MND1: variants seen among roughly 807,000 people sequenced by gnomAD.
The protein encoded by MND1 is meiotic nuclear division protein 1 homolog.
A neutral mutation model predicts 35.1 loss-of-function variants in MND1; 28 were observed. The ratio of observed to expected loss-of-function variants is 0.80; its 90% CI spans 0.59 to 1.09. MND1 has a LOEUF of 1.09. Ranked by LOEUF, MND1 falls within the 50% of genes least tolerant of loss-of-function variation. MND1 has a pLI of 0.00. For missense variants in MND1, 213 were observed against 239.6 expected (o/e 0.89, Z 0.73); for synonymous variants, 69 against 70.5 (o/e 0.98, Z 0.11).
At chr4:153,397,149 A>G (rs925634429) in intron 5 of MND1, 70 bp from the exon 6 acceptor site, 1 of 1,018,206 alleles carries the variant, frequency 9.8e-7, no homozygotes, top group African/African-American at 1.6e-5. Context: ...AAATTGTTAT[A>G]AAATGTATTA....
intron 4 of MND1, chr4:153,361,398 A>G: frequency 2.2e-6 from 1 of 450,772 alleles, no homozygotes. Context: ...TTTCCTTAGT[A>G]ATCTCTCTTC....
At chr4:153,348,609 A>G (rs1773132021) in intron 1 of MND1, among the ~76,000 whole-genome samples, 1 of 152,212 alleles carries the variant, frequency 6.6e-6, no homozygotes, top group African/African-American at 2.4e-5. Flanking sequence ...CTCATCAAGA[A>G]ACACCTGATC....
intron 4 of MND1, among the ~76,000 whole-genome samples, chr4:153,375,931 A>G (rs1657696089): frequency 6.6e-6 from 1 of 152,148 alleles, no homozygotes; most frequent in South Asian, 2.1e-4. Flanking sequence ...ATTTCTGAAG[A>G]CTTTTAACAT....
intron 5 of MND1, 63 bp from the exon 6 acceptor site, chr4:153,397,156 A>T (rs555544009): frequency 1.8e-6 from 2 of 1,086,718 alleles, no homozygotes; most frequent in Non-Finnish European, 2.7e-6. Flanking sequence ...TATAAAATGT[A>T]TTACCTTACA....
chr4:153,388,885 C>T (rs887568587), intron 4 of MND1, among the ~76,000 whole-genome samples: 20 of 152,278 alleles, frequency 1.3e-4, no homozygotes, highest in African/African-American at 4.1e-4. Context: ...TTTCACTGAG[C>T]GACAGAACAG....
chr4:153,365,050 A>AG (rs1364668365), intron 4 of MND1, among the ~76,000 whole-genome samples: 2 of 151,824 alleles, frequency 1.3e-5, no homozygotes, highest in African/African-American at 4.8e-5. Context: ...CTTGGAAGAT[A>AG]GTTCCACTGG....
intron 7 of MND1, among the ~76,000 whole-genome samples, chr4:153,410,063 C>G (rs1447759401): frequency 3.3e-5 from 5 of 152,154 alleles, no homozygotes; most frequent in Non-Finnish European, 2.9e-5. Context: ...TGTGTGACCT[C>G]TTGACCCTCT....
chr4:153,344,697 C>G lies in MND1; in HGVS notation c.-41C>G. 5.7e-6 allele frequency: 9 copies of G among 1,569,228 alleles called. No homozygotes were observed. The highest frequency in any genetic ancestry group is 7.8e-6 in the Non-Finnish European group (9 of 1,158,898). On this transcript the variant is annotated 5_prime_UTR_variant, in exon 1 of 8. Coordinates refer to ENST00000240488, the MANE Select transcript of MND1 (RefSeq NM_032117.4). ...TCCTGGCCTGTCCCGCCCCTCTCCC[C>G]AAGCGCGGGCCCGGCCAGCGGAAGC...
At chr4:153,364,692 C>T (rs60187867) in intron 4 of MND1, among the ~76,000 whole-genome samples, 38,896 of 151,742 alleles carry the variant, frequency 0.26, 5,233 homozygotes, top group African/African-American at 0.35. Flanking sequence ...ATTATTCAGC[C>T]TTAAAAAGGA....
At position 153,415,057 on chromosome 4, in the gene MND1, T is replaced by C; in HGVS notation, c.*200T>C. Reference sequence around the variant, plus strand: ...GATGATAACCATATCCCCCCAGTGCTCATCAAAGTAGGACAATAAAAATCC... The same window carrying C: ...GATGATAACCATATCCCCCCAGTGCCCATCAAAGTAGGACAATAAAAATCC... On this transcript the variant is annotated 3_prime_UTR_variant, in exon 8 of 8. Transcript: ENST00000240488. The C allele has an allele frequency of 3.0e-6, 1 of 337,618 alleles. No homozygotes were observed. Among genetic ancestry groups the C allele is most frequent in the Non-Finnish European group, 5.5e-6 (1 of 182,980 alleles). 20.9% of individuals were successfully genotyped at this position (337,618 alleles called of 1,614,324 possible). A position where few individuals can be genotyped will look rare whatever the true frequency, so the allele number is the denominator to read the frequency against.
chr4:153,378,598 A>C (rs1728575285), intron 4 of MND1, among the ~76,000 whole-genome samples: 1 of 152,190 alleles, frequency 6.6e-6, no homozygotes, highest in Non-Finnish European at 1.5e-5. Flanking sequence ...CTTTGGAGAA[A>C]TGCTGCCTAA....
At chr4:153,365,333 AT>A (rs1773608046) in intron 4 of MND1, among the ~76,000 whole-genome samples, 1 of 152,194 alleles carries the variant, frequency 6.6e-6, no homozygotes, top group East Asian at 1.9e-4. Context: ...CCCATGATAG[AT>A]AACTCATAAA....
In MND1 at chr4:153,413,042, T is replaced by C. The variant is rs555126150; in HGVS notation, c.512-1709T>C. On this transcript the variant is annotated intron_variant, in intron 7 of 7. Transcript: ENST00000240488. ...GGATGGTCTCGATCTCTTGACCTCATGATCCTTTTCTTATAAAGATACCAA... is the reference window on the plus strand; with the variant it reads ...GGATGGTCTCGATCTCTTGACCTCACGATCCTTTTCTTATAAAGATACCAA... 6.2e-4 allele frequency among the ~76,000 whole-genome samples: 94 copies of C among 152,190 alleles called. 2 individuals are homozygous for C. The highest frequency in any genetic ancestry group is 2.1e-3 in the African/African-American group (88 of 41,546).
At chr4:153,359,779 CTTTTTTT>C (rs34112305) in intron 4 of MND1, among the ~76,000 whole-genome samples, 1 of 62,158 alleles carries the variant, frequency 1.6e-5, no homozygotes, top group Non-Finnish European at 3.0e-5. Context: ...TTTGGAAGAT[CTTTTTTT>C]TTTTTTTTTT....
intron 4 of MND1, among the ~76,000 whole-genome samples, chr4:153,391,258 G>T (rs1056052729): frequency 1.3e-5 from 2 of 151,932 alleles, no homozygotes; most frequent in African/African-American, 4.8e-5. Context: ...CTGCCTCCCA[G>T]GTTCAAGCGA....
intron 6 of MND1, among the ~76,000 whole-genome samples, chr4:153,402,052 C>T (rs1367792039): frequency 2.0e-5 from 3 of 151,960 alleles, no homozygotes; most frequent in South Asian, 2.1e-4. Context: ...CTACTCTGGA[C>T]GCTGAGGCAG....
chr4:153,408,933 T>TATATAA (rs35950044), intron 6 of MND1, 38 bp from the exon 7 acceptor site: 313 of 694,822 alleles, frequency 4.5e-4, no homozygotes, highest in African/African-American at 4.4e-3. Context: ...TATATATATA[T>TATATAA]AAATACATTT....
chr4:153,358,538 G>T lies in MND1; in HGVS notation c.192G>T (p.Arg64Ser), dbSNP rs751587544. ...LVDDGMVDCE[R>S]IGTSNYYWAF... is the part of the protein sequence containing the mutation. ...ATGATGGTATGGTTGACTGTGAGAG[G>T]ATCGGAACTTCTAATTATTATTGGG... is the stretch of plus-strand genomic sequence containing the variant. Residue 64 changes from arginine (R) to serine (S), a missense_variant, in exon 4 of 8, where the codon AGG becomes AGT. Arg to Ser is a moderately radical substitution (Grantham distance 110). Coordinates refer to ENST00000240488, the MANE Select transcript of MND1 (RefSeq NM_032117.4). 3.1e-5 allele frequency: 50 copies of T among 1,613,512 alleles called. No individual in the cohort carries two copies. The highest frequency in any genetic ancestry group is 1.6e-4 in the Middle Eastern group (1 of 6,072).
At chr4:153,411,965 T>C (rs1289018421) in intron 7 of MND1, among the ~76,000 whole-genome samples, 4 of 152,200 alleles carry the variant, frequency 2.6e-5, no homozygotes, top group African/African-American at 9.6e-5. Flanking sequence ...AGACATAACA[T>C]TTGGATGTGA....
Sources: allele counts gnomAD v4.1 joint callset (sites outside exome capture counted in the v4.1 genomes callset), GRCh38; gene constraint gnomAD v4.1.1; transcripts MANE v1.5; gene names NCBI Gene and HGNC (gene_info 2026-07-23, HGNC 2026-07-21).